The following SARDH variants were observed in gnomAD, a reference collection of about 807,000 sequenced individuals.
SARDH encodes sarcosine dehydrogenase.
In SARDH, 95 loss-of-function variants were observed where a neutral mutation model predicts 109.1. That is an observed-to-expected ratio of 0.87 (90% confidence interval 0.74 to 1.03). The LOEUF (loss-of-function observed/expected upper bound fraction) is 1.03. Ranked by LOEUF, SARDH falls within the 50% of genes least tolerant of loss-of-function variation. SARDH has a pLI of 0.00. For missense variants in SARDH, 1,267 were observed against 1,287.8 expected (o/e 0.98, Z 0.25); for synonymous variants, 572 against 534.8 (o/e 1.07, Z -0.96).
At chr9:133,680,916 G>T (rs958672858) in intron 17 of SARDH, among the ~76,000 whole-genome samples, 4 of 152,224 alleles carry the variant, frequency 2.6e-5, no homozygotes, top group African/African-American at 9.6e-5. Context: ...AAGATGGTTA[G>T]CCCCAGCTCA....
chr9:133,660,654 G>C (rs1032874204), downstream of SARDH, among the ~76,000 whole-genome samples: 1 of 152,122 alleles, frequency 6.6e-6, no homozygotes, highest in African/African-American at 2.4e-5. Flanking sequence ...CTCCCTATCT[G>C]CCCACCGAGG....
chr9:133,732,372 GCACCCACCCAC>G, intron 3 of SARDH, 40 bp downstream of exon 3: 4 of 620,022 alleles, frequency 6.5e-6, no homozygotes, highest in Non-Finnish European at 1.1e-5. Flanking sequence ...CCCAGGGAGT[GCACCCACCCAC>G]CCAAGCCCCC....
chr9:133,694,844 G>A (rs1306571359), intron 14 of SARDH, among the ~76,000 whole-genome samples: 2 of 152,226 alleles, frequency 1.3e-5, no homozygotes, highest in African/African-American at 4.8e-5. Context: ...GAGGATGGGA[G>A]TGGGTGAGCA....
chr9:133,675,141 C>T (rs371407552), intron 17 of SARDH, among the ~76,000 whole-genome samples: 8 of 151,856 alleles, frequency 5.3e-5, no homozygotes, highest in East Asian at 1.9e-4. Context: ...GTCAGGAGCT[C>T]GAGACCACCC....
chr9:133,674,695 C>T (rs767849534), intron 17 of SARDH, among the ~76,000 whole-genome samples: 3 of 152,180 alleles, frequency 2.0e-5, no homozygotes, highest in Non-Finnish European at 2.9e-5. Context: ...CATGCAGAAG[C>T]GAGAAGCTGG....
Position 133,712,853 on chromosome 9 carries a change from A to T in SARDH, c.1238-144T>A. The T allele has an allele frequency of 1.1e-6, 1 of 932,016 alleles. No individual in the cohort carries two copies. 57.7% of individuals were successfully genotyped at this position (932,016 alleles called of 1,614,324 possible). A position where few individuals can be genotyped will look rare whatever the true frequency, so the allele number is the denominator to read the frequency against. ...GGGGTGCTGCACGCCTCCTGATTGGACTGCTGCTGGACTGGACCCTGGCAC... is the reference window on the plus strand; with the variant it reads ...GGGGTGCTGCACGCCTCCTGATTGGTCTGCTGCTGGACTGGACCCTGGCAC... On this transcript the variant is annotated intron_variant, in intron 9 of 20. Transcript: ENST00000439388. The surrounding 1 kb of genome is among the most constrained non-coding windows in gnomAD (Gnocchi z 4.1).
intron 16 of SARDH, among the ~76,000 whole-genome samples, chr9:133,687,970 CT>C (rs1830944265): frequency 6.6e-6 from 1 of 152,168 alleles, no homozygotes; most frequent in South Asian, 2.1e-4. Flanking sequence ...CCTGGAGCAG[CT>C]TATAATGAGG....
chr9:133,714,767 A>C (rs1832057241), intron 8 of SARDH, among the ~76,000 whole-genome samples: 1 of 152,152 alleles, frequency 6.6e-6, no homozygotes, highest in Non-Finnish European at 1.5e-5. Flanking sequence ...GCAACACAGC[A>C]AGACCTTTAA....
chr9:133,731,851 C>T (rs1400837076), intron 3 of SARDH, among the ~76,000 whole-genome samples: 1 of 152,184 alleles, frequency 6.6e-6, no homozygotes, highest in Non-Finnish European at 1.5e-5. Context: ...AGATAAATAA[C>T]CCCACAGGTC....
At chr9:133,664,368 C>T (rs1457691769) in intron 20 of SARDH, among the ~76,000 whole-genome samples, 6 of 152,248 alleles carry the variant, frequency 3.9e-5, no homozygotes, top group Admixed American at 2.6e-4. Flanking sequence ...GCCAGAGCAG[C>T]GCCGAGGCTG....
At chr9:133,667,877 G>C (rs990613841) in intron 19 of SARDH, among the ~76,000 whole-genome samples, 1 of 152,132 alleles carries the variant, frequency 6.6e-6, no homozygotes, top group African/African-American at 2.4e-5. Context: ...GGCCCCAACT[G>C]CCCGGAGTCC....
chr9:133,720,194 A>G (rs1344335508), intron 6 of SARDH, among the ~76,000 whole-genome samples: 1 of 152,192 alleles, frequency 6.6e-6, no homozygotes, highest in African/African-American at 2.4e-5. Context: ...TGGGAGGCCG[A>G]CATGGGTGAA....
chr9:133,684,471 G>A (rs570803487), intron 17 of SARDH, among the ~76,000 whole-genome samples: 3 of 152,322 alleles, frequency 2.0e-5, no homozygotes, highest in South Asian at 4.1e-4. Flanking sequence ...TCTCAGCCTC[G>A]AGAAGTCAAA....
intron 19 of SARDH, among the ~76,000 whole-genome samples, chr9:133,667,967 C>A (rs1830132466): frequency 6.6e-6 from 1 of 152,126 alleles, no homozygotes; most frequent in Admixed American, 6.5e-5. Flanking sequence ...TGCAACAGTC[C>A]AGAGCCGCGG....
intron 6 of SARDH, among the ~76,000 whole-genome samples, chr9:133,727,837 C>T (rs1284786202): frequency 1.3e-5 from 2 of 152,138 alleles, no homozygotes; most frequent in South Asian, 2.1e-4. Context: ...GCCAACTCTG[C>T]CTTGCTTCTT....
rs746867356 is a variant in SARDH at position 133,731,356 on chromosome 9, G to A, written c.639C>T (p.Pro213=). The change falls in exon 4 of 21, where the codon CCC becomes CCT. Residue 213 remains proline, a synonymous_variant. Coordinates refer to ENST00000439388, the MANE Select transcript of SARDH (RefSeq NM_001134707.2). The part of the protein sequence containing the change: ...LYVPHDGTMD[P]AGTCTTLARA... ...TGGCGAGGGTGGTACAGGTGCCAGC[G>A]GGGTCCATGGTACCGTCGTGCGGCA... 2 of 1,614,066 alleles carry A rather than the reference G, an allele frequency of 1.2e-6. No individual in the cohort carries two copies. Among genetic ancestry groups the A allele is most frequent in the East Asian group, 2.2e-5 (1 of 44,880 alleles).
At chr9:133,698,340 T>C (rs1831363493) in intron 13 of SARDH, among the ~76,000 whole-genome samples, 3 of 152,338 alleles carry the variant, frequency 2.0e-5, no homozygotes, top group South Asian at 2.1e-4. Flanking sequence ...AATGACAAGA[T>C]ACCCCAAATT....
At chr9:133,708,108 G>T (rs796337501) in intron 11 of SARDH, among the ~76,000 whole-genome samples, 179 bp downstream of exon 11, 38 of 152,238 alleles carry the variant, frequency 2.5e-4, no homozygotes, top group African/African-American at 8.4e-4. Context: ...AATGTTCTTG[G>T]CCCTGAGCAC....
chr9:133,712,692 C>T lies in SARDH; in HGVS notation c.1255G>A (p.Gly419Ser), dbSNP rs1831969029. The change falls in exon 10 of 21, where the codon GGC (glycine) becomes AGC (serine). Residue 419 changes from glycine to serine, a missense_variant. Transcript: ENST00000439388. The surrounding 1 kb of genome is among the most constrained non-coding windows in gnomAD (Gnocchi z 4.1). Reference sequence around the variant, plus strand: ...CAGTGGGCCAGCTCCTGCCCACAGCCACCACCCAGCATCATTCCTGGCAGG... The same window carrying T: ...CAGTGGGCCAGCTCCTGCCCACAGCTACCACCCAGCATCATTCCTGGCAGG... ...FNSAGMMLGG[G>S]CGQELAHWII... is the part of the protein sequence containing the mutation. 2 of 1,609,314 alleles carry T rather than the reference C, an allele frequency of 1.2e-6. No homozygotes were observed.
Sources: gnomAD v4.1 joint callset for allele counts (sites outside exome capture counted in the v4.1 genomes callset) on GRCh38, gnomAD v4.1.1 for gene constraint, Gnocchi (gnomAD v3.1) non-coding constraint, MANE v1.5 for transcripts, NCBI Gene and HGNC (gene_info 2026-07-23, HGNC 2026-07-21) for gene names.